Variants in TRIM5 observed in about 807,000 individuals in gnomAD.
TRIM5 encodes tripartite motif containing 5, also known as tripartite motif-containing protein 5.
In TRIM5, 31 loss-of-function variants were observed where a neutral mutation model predicts 35.6. The ratio of observed to expected loss-of-function variants is 0.87; its 90% CI spans 0.65 to 1.18. TRIM5 has a LOEUF of 1.18. Ranked by LOEUF, TRIM5 falls within the 50% of genes most tolerant of loss-of-function variation. The pLI is 0.00. For synonymous variants in TRIM5, 243 were observed against 215.6 expected, an observed-to-expected ratio of 1.13 and a Z score of -1.11; for missense variants, 609 against 591.6, an observed-to-expected ratio of 1.03 and a Z score of -0.31.
the TRIM5 span, chr11:5,612,869 A>G: frequency 6.6e-6 from 1 of 152,242 alleles, no homozygotes; most frequent in South Asian, 2.1e-4. Context: ...AATGTAAAAT[A>G]TCTCACTAAT....
the TRIM5 span, among the ~76,000 whole-genome samples, chr11:5,597,830 C>T: frequency 1.3e-5 from 2 of 152,186 alleles, no homozygotes; most frequent in African/African-American, 2.4e-5. Context: ...AGCTGTTTTG[C>T]ACCCTAAATT....
At chr11:5,626,882 C>CAA in the TRIM5 span, 312 of 128,080 alleles carry the variant, frequency 2.4e-3, 1 homozygote, top group African/African-American at 7.8e-3. Flanking sequence ...GACTCTGTCT[C>CAA]AAAAAAAAAA....
chr11:5,683,140 C>T (rs548941115), intron 1 of TRIM5, among the ~76,000 whole-genome samples: 14 of 152,340 alleles, frequency 9.2e-5, no homozygotes, highest in Admixed American at 3.3e-4. Flanking sequence ...TGCCTCCCCG[C>T]GGGGCAGAGC....
the TRIM5 span, among the ~76,000 whole-genome samples, chr11:5,600,744 A>T: frequency 6.6e-6 from 1 of 152,118 alleles, no homozygotes; most frequent in Non-Finnish European, 1.5e-5. Context: ...CCAGCCAAAG[A>T]CAAGTTAGAG....
At chr11:5,594,096 C>T in the TRIM5 span, among the ~76,000 whole-genome samples, 3 of 152,096 alleles carry the variant, frequency 2.0e-5, no homozygotes, top group African/African-American at 4.8e-5. Flanking sequence ...TAGATTCCTA[C>T]GAGTGGATTT....
chr11:5,681,111 T>C (rs1852406969), intron 1 of TRIM5, among the ~76,000 whole-genome samples: 1 of 152,142 alleles, frequency 6.6e-6, no homozygotes, highest in Non-Finnish European at 1.5e-5. Flanking sequence ...AGGGTGATGA[T>C]AGAGAAATAC....
At chr11:5,605,080 T>C in the TRIM5 span, 1 of 537,392 alleles carries the variant, frequency 1.9e-6, no homozygotes, top group South Asian at 2.0e-5. Context: ...TCCTGGAATC[T>C]AAACGTCACC....
At chr11:5,604,621 T>A in the TRIM5 span, 1 of 1,611,362 alleles carries the variant, frequency 6.2e-7, no homozygotes, top group Non-Finnish European at 8.5e-7. Context: ...GAAGAAAACA[T>A]CCTGGAAGGC....
At chr11:5,683,361 T>G (rs895712165) in intron 1 of TRIM5, among the ~76,000 whole-genome samples, 1 of 152,186 alleles carries the variant, frequency 6.6e-6, no homozygotes, top group African/African-American at 2.4e-5. Flanking sequence ...GTGAAGCCAG[T>G]GGGGTTCCTG....
chr11:5,614,061 A>G, the TRIM5 span, among the ~76,000 whole-genome samples: 13 of 152,284 alleles, frequency 8.5e-5, 1 homozygote, highest in Admixed American at 8.5e-4. Flanking sequence ...TTATTAGGGT[A>G]AGTTCACAGC....
the TRIM5 span, chr11:5,634,771 G>A: frequency 6.2e-7 from 1 of 1,614,052 alleles, no homozygotes; most frequent in African/African-American, 1.3e-5. Context: ...CAGAGGCTGA[G>A]GATGAGCTAG....
At chr11:5,607,860 G>T in the TRIM5 span, among the ~76,000 whole-genome samples, 215 of 152,298 alleles carry the variant, frequency 1.4e-3, 6 homozygotes, top group South Asian at 0.04. Flanking sequence ...AGGAAAGGGG[G>T]CTGAGCAGAA....
At chr11:5,611,160 C>T in the TRIM5 span, 6 of 1,614,168 alleles carry the variant, frequency 3.7e-6, no homozygotes, top group Non-Finnish European at 5.1e-6. Flanking sequence ...CATGACAGTG[C>T]CCCCTCGCCG....
chr11:5,654,985 G>T, the TRIM5 span, among the ~76,000 whole-genome samples: 7 of 152,238 alleles, frequency 4.6e-5, no homozygotes, highest in Admixed American at 4.6e-4. Context: ...GAGGTCAGGA[G>T]TTCAAGATCA....
the TRIM5 span, among the ~76,000 whole-genome samples, chr11:5,635,069 T>A: frequency 6.6e-6 from 1 of 152,150 alleles, no homozygotes; most frequent in Non-Finnish European, 1.5e-5. Flanking sequence ...ATCCATTATA[T>A]CTAGTTATAG....
chr11:5,667,855 A>C (rs1851262801), intron 4 of TRIM5, 144 bp from the exon 5 acceptor site: 1 of 791,146 alleles, frequency 1.3e-6, no homozygotes, highest in Non-Finnish European at 1.9e-6. Flanking sequence ...GATAAGACTC[A>C]AGGCAATCAT....
At chr11:5,645,021 G>C in the TRIM5 span, among the ~76,000 whole-genome samples, 1 of 152,016 alleles carries the variant, frequency 6.6e-6, no homozygotes, top group African/African-American at 2.4e-5. Flanking sequence ...CTAATGTTAG[G>C]ATAAAAAAGT....
At chr11:5,607,416 T>C in the TRIM5 span, among the ~76,000 whole-genome samples, 1 of 152,058 alleles carries the variant, frequency 6.6e-6, no homozygotes, top group East Asian at 1.9e-4. Context: ...CCAGTTTGAG[T>C]TGTGCCTCTA....
chr11:5,590,185 C>T, the TRIM5 span: 1 of 159,670 alleles, frequency 6.3e-6, no homozygotes, highest in South Asian at 1.8e-4. Context: ...TCCTGTGCGG[C>T]TGGAGCCTCC....
Sources: allele counts gnomAD v4.1 joint callset (sites outside exome capture counted in the v4.1 genomes callset), GRCh38; gene constraint gnomAD v4.1.1; transcripts MANE v1.5; gene names NCBI Gene and HGNC (gene_info 2026-07-23, HGNC 2026-07-21).